The following UGT1A5 variants were observed in gnomAD, a reference collection of about 807,000 sequenced individuals.
The protein encoded by UGT1A5 is UDP-glucuronosyltransferase 1A5.
Under a neutral mutation model 40.3 loss-of-function variants are expected in UGT1A5, and 29 were observed. That is an observed-to-expected ratio of 0.72 (90% CI 0.54 to 0.98). The LOEUF (loss-of-function observed/expected upper bound fraction) is 0.98, where lower values mean the gene tolerates loss of function less well. Among genes scored for constraint, UGT1A5 ranks in the 50% least tolerant of loss-of-function variants. The pLI is 0.00. For missense variants in UGT1A5, 678 were observed against 677.9 expected (o/e 1.00, Z 0.00); for synonymous variants, 257 against 262.5 (o/e 0.98, Z 0.20).
At chr2:233,736,679 G>C (rs2078792170) in intron 1 of UGT1A5, among the ~76,000 whole-genome samples, 1 of 152,134 alleles carries the variant, frequency 6.6e-6, no homozygotes, top group African/African-American at 2.4e-5. Flanking sequence ...CTTTGATGTT[G>C]GTGACCTACA....
chr2:233,713,014 C>T lies in UGT1A5; in HGVS notation c.23C>T (p.Pro8Leu), dbSNP rs771842103. Reference sequence around the variant, plus strand: ...GAGATGGCCACAGGACTCCAGGTTCCCCTGCCGCAGCTGGCCACAGGACTG... The same window carrying T: ...GAGATGGCCACAGGACTCCAGGTTCTCCTGCCGCAGCTGGCCACAGGACTG... MATGLQV[P>L]LPQLATGLLL... Residue 8 changes from proline (P) to leucine (L), a missense_variant, in exon 1 of 5, where the codon CCC (proline) becomes CTC (leucine). Pro to Leu is a moderately conservative substitution (Grantham distance 98). Coordinates refer to ENST00000373414, the MANE Select transcript of UGT1A5 (RefSeq NM_019078.2). 9 of 1,613,568 alleles carry T rather than the reference C, an allele frequency of 5.6e-6. No individual in the cohort carries two copies. In the African/African-American group the frequency reaches 8.0e-5, roughly 14 times the overall value.
chr2:233,718,682 A>G, intron 1 of UGT1A5: 1 of 1,574,938 alleles, frequency 6.3e-7, no homozygotes, highest in Non-Finnish European at 8.6e-7. Flanking sequence ...GGTAATAAGT[A>G]ACTGGAGGAG....
intron 1 of UGT1A5, among the ~76,000 whole-genome samples, chr2:233,764,942 G>A (rs12479045): frequency 6.6e-5 from 10 of 152,198 alleles, no homozygotes; most frequent in African/African-American, 1.9e-4. Flanking sequence ...TGAGAGTGGC[G>A]GGGAGAGAGG....
At chr2:233,757,062 G>C (rs1469367274) in intron 1 of UGT1A5, among the ~76,000 whole-genome samples, 1 of 151,518 alleles carries the variant, frequency 6.6e-6, no homozygotes, top group South Asian at 2.1e-4. Flanking sequence ...GAACAGCAAG[G>C]GATCCAGAAT....
intron 1 of UGT1A5, among the ~76,000 whole-genome samples, chr2:233,766,494 G>A (rs1250106940): frequency 2.6e-5 from 4 of 152,182 alleles, no homozygotes; most frequent in African/African-American, 9.7e-5. Flanking sequence ...GGCGTGGCAG[G>A]CCAGGGTGGT....
chr2:233,760,233 CATAT>C (rs3064744), intron 1 of UGT1A5: 2 of 1,510,040 alleles, frequency 1.3e-6, no homozygotes, highest in African/African-American at 1.4e-5. Context: ...TGGTTTTTGC[CATAT>C]ATATATATAT....
intron 1 of UGT1A5, among the ~76,000 whole-genome samples, chr2:233,724,760 G>A (rs1178180770): frequency 2.1e-5 from 3 of 143,370 alleles, no homozygotes; most frequent in East Asian, 2.2e-4. Flanking sequence ...GACGATGGGC[G>A]GCCAGGCAGA....
intron 1 of UGT1A5, among the ~76,000 whole-genome samples, chr2:233,723,213 CTTT>C (rs201420005): frequency 5.6e-5 from 5 of 88,866 alleles, no homozygotes; most frequent in Admixed American, 3.3e-4. Flanking sequence ...TCAAAACTGA[CTTT>C]TTTTTTTTTT....
chr2:233,761,060 G>A, intron 1 of UGT1A5: 1 of 1,614,212 alleles, frequency 6.2e-7, no homozygotes, highest in Non-Finnish European at 8.5e-7. Flanking sequence ...CTGTTTAGAA[G>A]TGACTTTGTG....
chr2:233,724,233 G>C (rs1323099966), intron 1 of UGT1A5, among the ~76,000 whole-genome samples: 2 of 126,058 alleles, frequency 1.6e-5, no homozygotes, highest in Non-Finnish European at 3.4e-5. Flanking sequence ...CAGTAGGGGC[G>C]GCCGGGCAGA....
At chr2:233,746,615 T>G (rs1693440411) in intron 1 of UGT1A5, among the ~76,000 whole-genome samples, 1 of 151,704 alleles carries the variant, frequency 6.6e-6, no homozygotes, top group Non-Finnish European at 1.5e-5. Flanking sequence ...ACCTGACCCC[T>G]CCTTTCAGGC....
chr2:233,768,083 C>A, intron 3 of UGT1A5, 137 bp from the exon 4 acceptor site: 1 of 1,591,312 alleles, frequency 6.3e-7, no homozygotes, highest in Non-Finnish European at 8.6e-7. Flanking sequence ...GGTATCTCAA[C>A]CCACATTTTC....
intron 1 of UGT1A5, among the ~76,000 whole-genome samples, chr2:233,744,545 T>A (rs1042010726): frequency 6.6e-6 from 1 of 151,936 alleles, no homozygotes; most frequent in Non-Finnish European, 1.5e-5. Context: ...TAAATTTTAT[T>A]AAGACAAAAT....
At chr2:233,715,625 A>T (rs2076461425) in intron 1 of UGT1A5, among the ~76,000 whole-genome samples, 1 of 152,080 alleles carries the variant, frequency 6.6e-6, no homozygotes, top group Admixed American at 6.6e-5. Context: ...TTAAAAAATT[A>T]TCCAGGTGTG....
chr2:233,768,228 A>G lies in UGT1A5; in HGVS notation c.1096A>G (p.Met366Val), dbSNP rs367784507. 6.8e-6 allele frequency: 11 copies of G among 1,614,094 alleles called. No individual in the cohort carries two copies. Among genetic ancestry groups the G allele is most frequent in the Non-Finnish European group, 9.3e-6 (11 of 1,180,048 alleles). Residue 366 changes from methionine (M) to valine (V), a missense_variant, in exon 4 of 5, where the codon ATG becomes GTG. Physicochemically the swap from Met to Val is conservative, Grantham distance 21. Coordinates refer to ENST00000373414, the MANE Select transcript of UGT1A5 (RefSeq NM_019078.2). ...CCTATTTTGCATCTCAGGTCACCCG[A>G]TGACCCGTGCCTTTATCACCCATGC... ...LPQNDLLGHP[M>V]TRAFITHAGS...
intron 1 of UGT1A5, chr2:233,741,470 G>C (rs1212824071): frequency 1.3e-5 from 2 of 150,616 alleles, no homozygotes; most frequent in East Asian, 3.8e-4. Context: ...ACACATGTAA[G>C]TTCCCTCGTC....
chr2:233,742,425 T>G (rs62191917), intron 1 of UGT1A5, among the ~76,000 whole-genome samples: 10,459 of 152,056 alleles, frequency 0.069, 566 homozygotes, highest in East Asian at 0.2. Context: ...CTTAAGCGGT[T>G]TTCCTCCCTG....
intron 1 of UGT1A5, among the ~76,000 whole-genome samples, chr2:233,765,217 G>C (rs1406021636): frequency 6.6e-6 from 1 of 152,092 alleles, no homozygotes; most frequent in Non-Finnish European, 1.5e-5. Flanking sequence ...AGTATTCTTT[G>C]CAAACATAAA....
At chr2:233,758,822 C>G (rs1559405165) in intron 1 of UGT1A5, among the ~76,000 whole-genome samples, 1 of 152,138 alleles carries the variant, frequency 6.6e-6, no homozygotes, top group Admixed American at 6.5e-5. Context: ...AGTATATCCC[C>G]CCCAAAAAGA....
Sources: allele counts gnomAD v4.1 joint callset (sites outside exome capture counted in the v4.1 genomes callset), GRCh38; gene constraint gnomAD v4.1.1; transcripts MANE v1.5; gene names NCBI Gene and HGNC (gene_info 2026-07-23, HGNC 2026-07-21).